CNTNAP5: variants seen among roughly 807,000 people sequenced by gnomAD.
CNTNAP5 encodes contactin associated protein family member 5, also known as contactin-associated protein-like 5.
CNTNAP5 carries 72 observed loss-of-function variants against 150.2 expected under a neutral mutation model. The observed-to-expected ratio is 0.48, with a 90% CI of 0.40 to 0.58. The LOEUF (loss-of-function observed/expected upper bound fraction) is 0.58. Among genes scored for constraint, CNTNAP5 ranks in the 20% least tolerant of loss-of-function variants. The probability of loss-of-function intolerance (pLI) is 0.00; values close to 1 mark genes in which losing one functional copy is unlikely to be tolerated. For synonymous variants in CNTNAP5, 672 were observed against 619.8 expected (o/e 1.08, Z -1.25); for missense variants, 1,636 against 1,626.2 (o/e 1.01, Z -0.10).
At chr2:124,310,057 C>CTTT (rs68193263) in intron 3 of CNTNAP5, among the ~76,000 whole-genome samples, 1 of 144,654 alleles carries the variant, frequency 6.9e-6, no homozygotes, top group African/African-American at 2.5e-5. Flanking sequence ...AATCTCTTAC[C>CTTT]TTTTTTTTTT....
intron 1 of CNTNAP5, among the ~76,000 whole-genome samples, chr2:124,147,385 G>A (rs1684280795): frequency 6.6e-6 from 1 of 152,110 alleles, no homozygotes; most frequent in Non-Finnish European, 1.5e-5. Flanking sequence ...TATTTCTGCA[G>A]GGAAACATGA....
chr2:124,778,722 AGCCTACCTAG>A (rs1216238667), intron 17 of CNTNAP5: 9 of 152,338 alleles, frequency 5.9e-5, no homozygotes, highest in African/African-American at 2.2e-4. Context: ...GGAAATTATA[AGCCTACCTAG>A]GCGTGTTGTA....
chr2:124,713,301 C>CCTTCCT (rs1679862838), intron 13 of CNTNAP5, among the ~76,000 whole-genome samples: 9 of 76,964 alleles, frequency 1.2e-4, no homozygotes, highest in Non-Finnish European at 2.2e-4. Context: ...TTCTTTCTTT[C>CCTTCCT]TTCTTTCTCT....
intron 1 of CNTNAP5, among the ~76,000 whole-genome samples, chr2:124,139,878 C>T (rs1012436005): frequency 2.0e-5 from 3 of 152,140 alleles, no homozygotes; most frequent in Non-Finnish European, 4.4e-5. Flanking sequence ...TCTGAGGTAC[C>T]GGGTTCATCG....
At chr2:124,102,720 C>T (rs1040319108) in intron 1 of CNTNAP5, among the ~76,000 whole-genome samples, 1 of 152,158 alleles carries the variant, frequency 6.6e-6, no homozygotes, top group Non-Finnish European at 1.5e-5. Context: ...ACCCACCTCC[C>T]GTTCCTGTGG....
At chr2:124,109,934 C>A (rs1683257837) in intron 1 of CNTNAP5, among the ~76,000 whole-genome samples, 1 of 152,168 alleles carries the variant, frequency 6.6e-6, no homozygotes, top group South Asian at 2.1e-4. Flanking sequence ...AATTTAAGTA[C>A]AAGACAATCT....
intron 14 of CNTNAP5, among the ~76,000 whole-genome samples, chr2:124,754,177 G>C (rs1041194822): frequency 6.6e-6 from 1 of 152,124 alleles, no homozygotes; most frequent in Non-Finnish European, 1.5e-5. Flanking sequence ...AGACCACATA[G>C]TATCTTGAGA....
At chr2:124,204,535 T>G (rs1685813837) in intron 1 of CNTNAP5, among the ~76,000 whole-genome samples, 1 of 152,180 alleles carries the variant, frequency 6.6e-6, no homozygotes, top group African/African-American at 2.4e-5. Context: ...TCCATTTTCA[T>G]ACTGCTATGA....
At chr2:124,727,517 G>T (rs1435340323) in intron 13 of CNTNAP5, among the ~76,000 whole-genome samples, 1 of 152,022 alleles carries the variant, frequency 6.6e-6, no homozygotes, top group East Asian at 1.9e-4. Flanking sequence ...AGTATTCAGT[G>T]TACAGGTCTT....
intron 12 of CNTNAP5, among the ~76,000 whole-genome samples, chr2:124,641,974 C>G (rs1678103292): frequency 6.6e-6 from 1 of 152,130 alleles, no homozygotes; most frequent in Non-Finnish European, 1.5e-5. Context: ...CTTACAGCGT[C>G]TGTAATTACT....
At chr2:124,134,078 G>T (rs548731845) in intron 1 of CNTNAP5, among the ~76,000 whole-genome samples, 1 of 151,924 alleles carries the variant, frequency 6.6e-6, no homozygotes, top group Non-Finnish European at 1.5e-5. Flanking sequence ...CTCATCCTAC[G>T]TGTCACCCAA....
intron 13 of CNTNAP5, among the ~76,000 whole-genome samples, chr2:124,740,915 T>C (rs1680485078): frequency 6.6e-6 from 1 of 152,018 alleles, no homozygotes; most frequent in Non-Finnish European, 1.5e-5. Flanking sequence ...CCTCTTGAGG[T>C]CTACACTGGA....
At chr2:124,368,543 CTA>C (rs1690435015) in intron 3 of CNTNAP5, among the ~76,000 whole-genome samples, 1 of 151,944 alleles carries the variant, frequency 6.6e-6, no homozygotes. Context: ...AGAAGTTAGT[CTA>C]TAATAATAAA....
chr2:124,446,533 C>T (rs1342955734), intron 5 of CNTNAP5, among the ~76,000 whole-genome samples: 1 of 152,054 alleles, frequency 6.6e-6, no homozygotes, highest in African/African-American at 2.4e-5. Flanking sequence ...GAAAACATGC[C>T]CTATTTTGTC....
intron 1 of CNTNAP5, among the ~76,000 whole-genome samples, chr2:124,162,749 G>A (rs914634938): frequency 6.6e-6 from 1 of 152,034 alleles, no homozygotes; most frequent in African/African-American, 2.4e-5. Context: ...AGTAAGCTTG[G>A]AATTATTTAG....
chr2:124,386,861 T>A (rs1459404043), intron 3 of CNTNAP5, among the ~76,000 whole-genome samples: 3 of 152,094 alleles, frequency 2.0e-5, no homozygotes, highest in African/African-American at 7.3e-5. Flanking sequence ...CCAATGTGAT[T>A]GTATTTAGAG....
At chr2:124,526,003 C>T (rs1694957964) in intron 9 of CNTNAP5, among the ~76,000 whole-genome samples, 1 of 152,120 alleles carries the variant, frequency 6.6e-6, no homozygotes, top group Non-Finnish European at 1.5e-5. Flanking sequence ...ACCTCACAGA[C>T]CGAATAATTT....
intron 3 of CNTNAP5, among the ~76,000 whole-genome samples, chr2:124,404,197 G>A (rs1691507588): frequency 6.6e-6 from 1 of 152,194 alleles, no homozygotes; most frequent in African/African-American, 2.4e-5. Context: ...TTGCAACAGA[G>A]TCTCCCTGAA....
rs1350132137 is a variant in CNTNAP5, at chr2:124,917,804, A to C, written c.*3516A>C. Among the ~76,000 whole-genome samples, 1 of 152,100 alleles carries C rather than the reference A, an allele frequency of 6.6e-6. No homozygotes were observed. The highest frequency in any genetic ancestry group is 1.5e-5 in the Non-Finnish European group (1 of 68,000). ...TGGGGAGCTCAAAGTCTAGCTGGCA[A>C]GGCATGTATTGTTGCAACAGGGCCA... On this transcript the variant is annotated 3_prime_UTR_variant, in exon 24 of 24. Coordinates refer to ENST00000682447, the MANE Select transcript of CNTNAP5 (RefSeq NM_001367498.1).
Sources: allele counts gnomAD v4.1 joint callset (sites outside exome capture counted in the v4.1 genomes callset), GRCh38; gene constraint gnomAD v4.1.1; transcripts MANE v1.5; gene names NCBI Gene and HGNC (gene_info 2026-07-23, HGNC 2026-07-21).